The following VPS8 variants were observed in gnomAD, a reference collection of about 807,000 sequenced individuals.
VPS8 encodes vacuolar protein sorting-associated protein 8 homolog.
In VPS8, 129 loss-of-function variants were observed where a neutral mutation model predicts 216.4. The observed-to-expected ratio is 0.60, with a 90% CI of 0.52 to 0.69. The LOEUF (loss-of-function observed/expected upper bound fraction) is 0.69, where lower values mean the gene tolerates loss of function less well. Ranked by LOEUF, VPS8 falls within the 30% of genes least tolerant of loss-of-function variation. The pLI, the probability that VPS8 is intolerant of heterozygous loss-of-function variation, is 0.00. For synonymous variants in VPS8, 571 were observed against 565.4 expected (o/e 1.01, Z -0.14); for missense variants, 1,531 against 1,683.5 (o/e 0.91, Z 1.59).
intron 25 of VPS8, among the ~76,000 whole-genome samples, chr3:184,902,283 C>T (rs899749487): frequency 3.3e-5 from 5 of 151,788 alleles, no homozygotes; most frequent in Non-Finnish European, 7.4e-5. Context: ...CAAGACCAGC[C>T]TGGCCAATAT....
intron 40 of VPS8, 89 bp downstream of exon 40, chr3:184,971,841 G>A (rs573244941): frequency 8.3e-5 from 82 of 985,100 alleles, no homozygotes; most frequent in South Asian, 5.0e-4. Flanking sequence ...TTGGGAGGCC[G>A]AGACGGACAG....
At chr3:184,901,165 A>T (rs768020087) in intron 25 of VPS8, 193 bp downstream of exon 25, 218 of 569,562 alleles carry the variant, frequency 3.8e-4, no homozygotes, top group Non-Finnish European at 5.7e-4. Context: ...TCCCCTTTGT[A>T]CTTGATCCTT....
intron 16 of VPS8, 62 bp downstream of exon 16, chr3:184,863,129 A>G (rs3733165): frequency 0.4 from 635,590 of 1,575,428 alleles, 135,168 homozygotes; most frequent in African/African-American, 0.71. Flanking sequence ...GTATTTTGTT[A>G]TAGTTGTTTT....
intron 3 of VPS8, among the ~76,000 whole-genome samples, chr3:184,826,968 G>A (rs1361334600): frequency 1.3e-5 from 2 of 152,224 alleles, no homozygotes; most frequent in African/African-American, 2.4e-5. Context: ...CCCTGCATCT[G>A]CTGACAACCC....
Position 184,957,389 on chromosome 3 carries a change from A to C in VPS8, c.3051A>C (p.Val1017=). The change falls in exon 37 of 48, where the codon GTA becomes GTC. Residue 1017 remains valine, a synonymous_variant. Transcript: ENST00000625842. ...SLLDPREGIH[V]NQELLQISPC... is the part of the protein sequence containing the mutation. ...ATGTTTTTAGGGAAGGTATTCATGT[A>C]AATCAAGAATTACTGCAAATATCTC... The C allele has an allele frequency of 6.2e-7, 1 of 1,609,776 alleles. No individual in the cohort carries two copies. Among genetic ancestry groups the C allele is most frequent in the Non-Finnish European group, 8.5e-7 (1 of 1,177,750 alleles).
chr3:185,048,667 T>A, intron 47 of VPS8, 108 bp downstream of exon 47: 2 of 1,205,996 alleles, frequency 1.7e-6, no homozygotes, highest in Non-Finnish European at 1.2e-6. Context: ...GCCTGGAAGG[T>A]GCCCTGGCAT....
intron 36 of VPS8, among the ~76,000 whole-genome samples, chr3:184,947,340 G>C (rs1743873089): frequency 6.6e-6 from 1 of 152,154 alleles, no homozygotes; most frequent in Non-Finnish European, 1.5e-5. Flanking sequence ...CATATTAAAA[G>C]CTAGGTGGGT....
At chr3:184,963,685 T>C (rs1576999792) in intron 37 of VPS8, among the ~76,000 whole-genome samples, 1 of 152,228 alleles carries the variant, frequency 6.6e-6, no homozygotes, top group East Asian at 1.9e-4. Flanking sequence ...CAGTATGACT[T>C]CTAACCTTGT....
intron 46 of VPS8, among the ~76,000 whole-genome samples, chr3:185,029,364 G>A (rs1757796038): frequency 6.6e-6 from 1 of 152,144 alleles, no homozygotes; most frequent in African/African-American, 2.4e-5. Context: ...ACTGAAGGAA[G>A]TGTTTGGTGA....
intron 21 of VPS8, among the ~76,000 whole-genome samples, chr3:184,885,183 T>A (rs2108864421): frequency 6.6e-6 from 1 of 152,328 alleles, no homozygotes; most frequent in Non-Finnish European, 1.5e-5. Context: ...AGTTTTGACC[T>A]TTTTATCAGA....
At chr3:184,891,644 G>A (rs992164645) in intron 22 of VPS8, among the ~76,000 whole-genome samples, 6 of 152,138 alleles carry the variant, frequency 3.9e-5, no homozygotes, top group Middle Eastern at 3.4e-3. Flanking sequence ...AAATCTTTAC[G>A]AACTGTGGTA....
In VPS8 at chr3:184,970,952, A is replaced by G. The variant is rs373767975; in HGVS notation, c.3317-697A>G. On this transcript the variant is annotated intron_variant, in intron 39 of 47. Transcript: ENST00000625842. The stretch of plus-strand genomic sequence containing the variant: ...CAAGTTATCTGAATGTGTGGGGTGA[A>G]GGAGAGGGAAGCACCAAAGATGAAG... Among the ~76,000 whole-genome samples the G allele has an allele frequency of 4.4e-4, 67 of 152,342 alleles. 1 individual carries two copies. In the South Asian group the frequency reaches 0.011, roughly 24 times the overall value.
intron 46 of VPS8, among the ~76,000 whole-genome samples, chr3:185,031,244 A>G (rs1410944023): frequency 6.6e-6 from 1 of 152,088 alleles, no homozygotes; most frequent in African/African-American, 2.4e-5. Flanking sequence ...AGCATTTTCT[A>G]GCCATCATTT....
chr3:184,882,616 A>G (rs1730471245), intron 21 of VPS8, among the ~76,000 whole-genome samples: 1 of 152,040 alleles, frequency 6.6e-6, no homozygotes. Flanking sequence ...TGTTTTGTGG[A>G]AGGGATTGTA....
intron 9 of VPS8, 187 bp downstream of exon 9, chr3:184,849,382 A>G: frequency 1.7e-6 from 1 of 594,622 alleles, no homozygotes; most frequent in Non-Finnish European, 2.7e-6. Flanking sequence ...CGACTGACCC[A>G]GAGTCTGTAA....
chr3:184,961,857 C>T (rs961700872), intron 37 of VPS8, among the ~76,000 whole-genome samples: 4 of 151,982 alleles, frequency 2.6e-5, no homozygotes, highest in Non-Finnish European at 5.9e-5. Context: ...ACCTCCACCT[C>T]CCAGATTCAA....
Position 184,853,994 on chromosome 3 carries a change from T to A in VPS8, c.959T>A (p.Met320Lys). The change falls in exon 12 of 48, where the codon ATG becomes AAG. Residue 320 changes from methionine (M) to lysine (K), a missense_variant. Transcript: ENST00000625842. ...HPITQFSLLA[M>K]ASLTKILVIG... ...ATCACACAGTTTTCATTATTGGCCA[T>A]GGCATCCTTGACAAAAGTAAGTGTA... is the stretch of plus-strand genomic sequence containing the variant. The A allele has an allele frequency of 6.2e-7, 1 of 1,613,542 alleles. No homozygotes were observed. The highest frequency in any genetic ancestry group is 8.5e-7 in the Non-Finnish European group (1 of 1,179,638).
chr3:184,925,882 T>C (rs1178247899), intron 30 of VPS8, among the ~76,000 whole-genome samples: 2 of 150,900 alleles, frequency 1.3e-5, no homozygotes, highest in Admixed American at 6.6e-5. Context: ...CAAGTGATTG[T>C]CCTGCCTCAG....
At chr3:184,973,709 C>G (rs560959519) in intron 40 of VPS8, among the ~76,000 whole-genome samples, 1 of 152,264 alleles carries the variant, frequency 6.6e-6, no homozygotes, top group Non-Finnish European at 1.5e-5. Context: ...CCCCACCCAT[C>G]CTTACCAGTT....
Sources: gnomAD v4.1 joint callset for allele counts (sites outside exome capture counted in the v4.1 genomes callset) on GRCh38, gnomAD v4.1.1 for gene constraint, MANE v1.5 for transcripts, NCBI Gene and HGNC (gene_info 2026-07-23, HGNC 2026-07-21) for gene names.